Variants in IDE observed in about 807,000 individuals in gnomAD.
The protein encoded by IDE is insulin degrading enzyme.
Under a neutral mutation model 133.2 loss-of-function variants are expected in IDE, and 58 were observed. The ratio of observed to expected loss-of-function variants is 0.44; its 90% CI spans 0.35 to 0.54. IDE has a LOEUF of 0.54. Among genes scored for constraint, IDE ranks in the 20% least tolerant of loss-of-function variants. The pLI is 0.00. For synonymous variants in IDE, 396 were observed against 421.3 expected (o/e 0.94, Z 0.73); for missense variants, 981 against 1,234.0 (o/e 0.79, Z 3.07).
intron 1 of IDE, among the ~76,000 whole-genome samples, chr10:92,552,461 T>C (rs181744232): frequency 1.3e-5 from 2 of 152,150 alleles, no homozygotes; most frequent in Admixed American, 1.3e-4. Flanking sequence ...TATAAAAACG[T>C]GTATATGTGG....
intron 22 of IDE, among the ~76,000 whole-genome samples, chr10:92,460,559 T>C (rs1246728743): frequency 6.6e-6 from 1 of 152,094 alleles, no homozygotes; most frequent in Non-Finnish European, 1.5e-5. Context: ...AGAAGAAGAA[T>C]TGTCATGGGC....
At position 92,556,886 on chromosome 10, in the gene IDE, T is replaced by C. The variant is rs7902106; in HGVS notation, c.98+17036A>G. Among the ~76,000 whole-genome samples the C allele has an allele frequency of 3.3e-3, 492 of 147,098 alleles. 1 individual carries two copies. The highest frequency in any genetic ancestry group is 0.012 in the African/African-American group (478 of 39,644). On this transcript the variant is annotated intron_variant, in intron 1 of 24. Coordinates refer to ENST00000265986, the MANE Select transcript of IDE (RefSeq NM_004969.4). ...TTGCAGTGAGCCAAGATCTTGCCATTGCACTCCACCTGGGCTACAGAGTGA... is the reference window on the plus strand; with the variant it reads ...TTGCAGTGAGCCAAGATCTTGCCATCGCACTCCACCTGGGCTACAGAGTGA...
chr10:92,471,965 C>T (rs1845990540), intron 17 of IDE, among the ~76,000 whole-genome samples: 1 of 152,148 alleles, frequency 6.6e-6, no homozygotes, highest in Non-Finnish European at 1.5e-5. Flanking sequence ...GGCAGGCAGT[C>T]AGTAAATGCT....
At chr10:92,532,964 C>A (rs1047860410) in intron 3 of IDE, among the ~76,000 whole-genome samples, 5 of 152,102 alleles carry the variant, frequency 3.3e-5, no homozygotes, top group African/African-American at 1.2e-4. Flanking sequence ...ACATATACCA[C>A]AAGGGGAAAC....
intron 1 of IDE, among the ~76,000 whole-genome samples, chr10:92,568,451 C>T (rs1012907470): frequency 2.0e-5 from 3 of 152,104 alleles, no homozygotes; most frequent in Non-Finnish European, 2.9e-5. Flanking sequence ...TAAAACTAAA[C>T]AATATACTGC....
At position 92,465,658 on chromosome 10, in the gene IDE, TC is replaced by T. The variant is rs971581027; in HGVS notation, c.2488+17del. ...TCAAAGTCTACAGTACCCTGCTATT[TC>T]CCCACTTTCCTCTCACCCAACTGCT... is the stretch of plus-strand genomic sequence containing the variant. On this transcript the variant is annotated intron_variant, in intron 20 of 24. Coordinates refer to ENST00000265986, the MANE Select transcript of IDE (RefSeq NM_004969.4). 7.5e-6 allele frequency: 12 copies of T among 1,603,798 alleles called. No individual in the cohort carries two copies. The highest frequency in any genetic ancestry group is 1.0e-5 in the Non-Finnish European group (12 of 1,171,624).
Position 92,455,494 on chromosome 10 carries a change from A to C in IDE, c.2964+82T>G. On this transcript the variant is annotated intron_variant, in intron 24 of 24. Transcript: ENST00000265986. ...AGACTCCATTTCAAAAACAAAAAAC[A>C]AAAAACAAAAAAAACCAAGCTGCTT... 7.6e-6 allele frequency: 7 copies of C among 925,198 alleles called. 1 individual carries two copies. Among genetic ancestry groups the C allele is most frequent in the Non-Finnish European group, 1.2e-5 (7 of 572,888 alleles). The allele number at this position is 925,198 out of a possible 1,614,324, so 57.3% of individuals were successfully genotyped here. A position where few individuals can be genotyped will look rare whatever the true frequency, so the allele number is the denominator to read the frequency against.
intron 11 of IDE, among the ~76,000 whole-genome samples, chr10:92,496,157 G>A (rs1847689797): frequency 1.3e-5 from 2 of 152,098 alleles, no homozygotes; most frequent in Admixed American, 1.3e-4. Context: ...TTACAGGCGT[G>A]AGCCACCACG....
chr10:92,505,962 G>T (rs1848273364), intron 10 of IDE, among the ~76,000 whole-genome samples: 1 of 152,072 alleles, frequency 6.6e-6, no homozygotes, highest in South Asian at 2.1e-4. Flanking sequence ...ACCACTGAAG[G>T]AATTTAAACA....
At chr10:92,511,683 CT>C (rs1212315271) in intron 5 of IDE, among the ~76,000 whole-genome samples, 1 of 127,110 alleles carries the variant, frequency 7.9e-6, no homozygotes, top group African/African-American at 2.6e-5. Context: ...AATATACCTA[CT>C]TTTGCCTCAA....
intron 11 of IDE, among the ~76,000 whole-genome samples, chr10:92,498,832 G>A (rs1228602894): frequency 6.6e-6 from 1 of 152,042 alleles, no homozygotes; most frequent in Non-Finnish European, 1.5e-5. Context: ...GCTGAGGCAA[G>A]AAAATTGCTT....
At chr10:92,550,650 C>CAAAAAA (rs71028826) in intron 1 of IDE, among the ~76,000 whole-genome samples, 4 of 57,414 alleles carry the variant, frequency 7.0e-5, no homozygotes, top group African/African-American at 2.5e-4. Flanking sequence ...GACTCCGTCT[C>CAAAAAA]AAAAAAAAAA....
At chr10:92,464,669 T>A (rs139475294) in intron 20 of IDE, among the ~76,000 whole-genome samples, 1 of 152,286 alleles carries the variant, frequency 6.6e-6, no homozygotes, top group Non-Finnish European at 1.5e-5. Context: ...AACATAGCCA[T>A]TCACAGTTTG....
chr10:92,496,556 C>T (rs959250390), intron 11 of IDE, among the ~76,000 whole-genome samples: 8 of 152,112 alleles, frequency 5.3e-5, no homozygotes, highest in African/African-American at 1.9e-4. Flanking sequence ...GAGGCTGAGG[C>T]CGGTGGATCA....
chr10:92,537,258 TG>T (rs1382796948), intron 2 of IDE, 107 bp downstream of exon 2: 2 of 782,702 alleles, frequency 2.6e-6, no homozygotes, highest in Admixed American at 2.9e-5. Context: ...ATAAGGTACA[TG>T]GAACCGGTAA....
rs199699005 is a variant in IDE at position 92,508,009 on chromosome 10, T to A, written c.1153+104A>T. On this transcript the variant is annotated intron_variant, in intron 8 of 24. Transcript: ENST00000265986. ...AATGGATAAGTTGTATGAATTAAAGTGTTGTAGCTTTCAACATAAAACAGA... is the reference window on the plus strand; with the variant it reads ...AATGGATAAGTTGTATGAATTAAAGAGTTGTAGCTTTCAACATAAAACAGA... The A allele has an allele frequency of 8.1e-5, 66 of 811,444 alleles. No homozygotes were observed. The East Asian group carries it at 1.5e-3, about 18-fold the overall frequency. 50.3% of individuals were successfully genotyped at this position (811,444 alleles called of 1,614,324 possible). A position where few individuals can be genotyped will look rare whatever the true frequency, so the allele number is the denominator to read the frequency against.
At chr10:92,470,224 CAA>C (rs553176219) in intron 18 of IDE, 28 bp downstream of exon 18, 2 of 1,449,196 alleles carry the variant, frequency 1.4e-6, no homozygotes, top group Non-Finnish European at 1.9e-6. Context: ...CAATGATCCA[CAA>C]AAGATTGCTA....
At chr10:92,508,511 T>C (rs1325550579) in intron 7 of IDE, among the ~76,000 whole-genome samples, 1 of 146,778 alleles carries the variant, frequency 6.8e-6, no homozygotes, top group Non-Finnish European at 1.5e-5. Flanking sequence ...ACCAGGAGTT[T>C]GAGACTAGCC....
intron 11 of IDE, chr10:92,497,734 G>A (rs369361832): frequency 1.0e-6 from 1 of 982,784 alleles, no homozygotes. Flanking sequence ...TTTGCACCAT[G>A]TATCACTGAC....
Sources: allele counts gnomAD v4.1 joint callset (sites outside exome capture counted in the v4.1 genomes callset), GRCh38; gene constraint gnomAD v4.1.1; transcripts MANE v1.5; gene names NCBI Gene and HGNC (gene_info 2026-07-23, HGNC 2026-07-21).